GATB: variants seen among roughly 807,000 people sequenced by gnomAD.
The protein encoded by GATB is glutamyl-tRNA amidotransferase subunit B.
In GATB, 39 loss-of-function variants were observed where a neutral mutation model predicts 62.3. The ratio of observed to expected loss-of-function variants is 0.63; its 90% CI spans 0.48 to 0.82. GATB has a LOEUF of 0.82. Ranked by LOEUF, GATB falls within the 40% of genes least tolerant of loss-of-function variation. GATB has a pLI of 0.00. For synonymous variants in GATB, 276 were observed against 258.9 expected (o/e 1.07, Z -0.63); for missense variants, 670 against 684.0 (o/e 0.98, Z 0.23).
At chr4:151,695,186 C>T (rs1345184041) in intron 9 of GATB, among the ~76,000 whole-genome samples, 1 of 152,146 alleles carries the variant, frequency 6.6e-6, no homozygotes, top group Non-Finnish European at 1.5e-5. Flanking sequence ...TAGCGCGTTG[C>T]TTGGTGTCAA....
intron 2 of GATB, chr4:151,719,826 C>T (rs1560855898): frequency 3.6e-6 from 1 of 280,670 alleles, no homozygotes. Context: ...CAGGAAGAGT[C>T]GCAGAAAAGC....
intron 9 of GATB, among the ~76,000 whole-genome samples, chr4:151,698,573 GT>G (rs1738535155): frequency 6.6e-6 from 1 of 152,168 alleles, no homozygotes; most frequent in Non-Finnish European, 1.5e-5. Flanking sequence ...AATCTGTTGT[GT>G]TTCTGATGAA....
In GATB at chr4:151,725,537, C is replaced by T. The variant is rs560825938; in HGVS notation, c.328-5999G>A. Among the ~76,000 whole-genome samples the T allele has an allele frequency of 1.5e-3, 230 of 152,346 alleles. 2 individuals are homozygous for T. Among genetic ancestry groups the T allele is most frequent in the African/African-American group, 2.2e-3 (91 of 41,586 alleles). Reference sequence around the variant, plus strand: ...ATTTTGTGGACACCCTTTTCACATGCGTGGAGCCAAGAATTATGAAATCCA... The same window carrying T: ...ATTTTGTGGACACCCTTTTCACATGTGTGGAGCCAAGAATTATGAAATCCA... On this transcript the variant is annotated intron_variant, in intron 2 of 12. Transcript: ENST00000263985.
rs776839953 is a variant in GATB, at chr4:151,758,766, T to C, written c.327+6A>G. The stretch of plus-strand genomic sequence containing the variant: ...TAATGAAAATAGGATTAAATAAGAA[T>C]CTTACCGGCAAAGTTCCAGGTAGAG... On this transcript the variant is annotated splice_donor_region_variant and intron_variant, in intron 2 of 12. Coordinates refer to ENST00000263985, the MANE Select transcript of GATB (RefSeq NM_004564.3). 5.8e-6 allele frequency: 9 copies of C among 1,561,374 alleles called. No individual in the cohort carries two copies. The highest frequency in any genetic ancestry group is 6.9e-6 in the Non-Finnish European group (8 of 1,156,968).
Position 151,701,415 on chromosome 4 carries a change from C to T in GATB, c.1111G>A (p.Glu371Lys). Residue 371 changes from glutamate (E) to lysine (K), a missense_variant, in exon 9 of 13, where the codon GAG becomes AAG. By Grantham distance (56) the Glu-to-Lys change is moderately conservative (BLOSUM62 1). Coordinates refer to ENST00000263985, the MANE Select transcript of GATB (RefSeq NM_004564.3). ...QQVINIDQIR[E>K]TLPELPSVTR... ...ACACTGGGGAGCTCCGGGAGTGTCT[C>T]CCGAATCTGGTCAATATTGATCACT... is the stretch of plus-strand genomic sequence containing the variant. The T allele has an allele frequency of 1.9e-6, 3 of 1,606,204 alleles. No homozygotes were observed. Among genetic ancestry groups the T allele is most frequent in the Admixed American group, 1.7e-5 (1 of 58,946 alleles).
intron 2 of GATB, among the ~76,000 whole-genome samples, chr4:151,744,525 G>A (rs1408674665): frequency 2.0e-5 from 3 of 152,102 alleles, no homozygotes; most frequent in African/African-American, 7.2e-5. Context: ...GGAGGCAGGA[G>A]GACTCCTTGA....
At chr4:151,728,587 A>G (rs1158210495) in intron 2 of GATB, among the ~76,000 whole-genome samples, 1 of 152,208 alleles carries the variant, frequency 6.6e-6, no homozygotes, top group Non-Finnish European at 1.5e-5. Flanking sequence ...GATTTGCCCC[A>G]TACTGAAACT....
At chr4:151,743,625 CTT>C (rs1490715044) in intron 2 of GATB, among the ~76,000 whole-genome samples, 1 of 152,192 alleles carries the variant, frequency 6.6e-6, no homozygotes, top group African/African-American at 2.4e-5. Flanking sequence ...AAGTGAGAAA[CTT>C]TGGTTCTAAT....
At chr4:151,760,654 G>C (rs1421101279) in intron 1 of GATB, among the ~76,000 whole-genome samples, 153 bp downstream of exon 1, 1 of 152,166 alleles carries the variant, frequency 6.6e-6, no homozygotes, top group Non-Finnish European at 1.5e-5. Context: ...AAGTCTGTTT[G>C]TGCTTTTATT....
At chr4:151,695,608 G>T (rs115081240) in intron 9 of GATB, among the ~76,000 whole-genome samples, 1,921 of 152,220 alleles carry the variant, frequency 0.013, 40 homozygotes, top group African/African-American at 0.044. Flanking sequence ...TCTACTGACT[G>T]CATGCACAGC....
At chr4:151,701,223 G>T in intron 9 of GATB, 106 bp downstream of exon 9, 2 of 832,696 alleles carry the variant, frequency 2.4e-6, no homozygotes, top group Non-Finnish European at 3.5e-6. Flanking sequence ...CAAGAAACAC[G>T]CCCACCCCAC....
At chr4:151,700,401 T>C (rs1445599773) in intron 9 of GATB, among the ~76,000 whole-genome samples, 1 of 152,242 alleles carries the variant, frequency 6.6e-6, no homozygotes, top group Non-Finnish European at 1.5e-5. Context: ...TTATGGATGA[T>C]GAAGAGAGAA....
At chr4:151,715,175 C>G (rs1429218771) in intron 5 of GATB, among the ~76,000 whole-genome samples, 1 of 152,184 alleles carries the variant, frequency 6.6e-6, no homozygotes, top group Non-Finnish European at 1.5e-5. Flanking sequence ...CCTGCTGTGA[C>G]CATTGTACAG....
At chr4:151,756,656 C>T (rs1252559083) in intron 2 of GATB, among the ~76,000 whole-genome samples, 3 of 152,182 alleles carry the variant, frequency 2.0e-5, no homozygotes, top group East Asian at 1.9e-4. Context: ...GTAAGCCAAG[C>T]TCTCAACACT....
intron 3 of GATB, among the ~76,000 whole-genome samples, chr4:151,718,433 A>G (rs981996009): frequency 9.2e-5 from 14 of 152,320 alleles, no homozygotes; most frequent in Non-Finnish European, 1.8e-4. Context: ...GATGACCAAA[A>G]CATCTCATTT....
At chr4:151,703,958 G>A in intron 7 of GATB, 63 bp from the exon 8 acceptor site, 1 of 1,172,118 alleles carries the variant, frequency 8.5e-7, no homozygotes, top group Non-Finnish European at 1.3e-6. Context: ...CTATATGTGG[G>A]GAAGGGCTCC....
chr4:151,744,491 GC>G (rs1455827336), intron 2 of GATB, among the ~76,000 whole-genome samples: 2 of 152,164 alleles, frequency 1.3e-5, no homozygotes, highest in Non-Finnish European at 2.9e-5. Flanking sequence ...GGTGGCTCAT[GC>G]CTATAATCCC....
intron 9 of GATB, among the ~76,000 whole-genome samples, chr4:151,697,953 G>GTATATATATATATATA (rs56231389): frequency 8.4e-4 from 34 of 40,562 alleles, no homozygotes; most frequent in Non-Finnish European, 9.4e-4. Context: ...GTGTGTGTGT[G>GTATATATATATATATA]TATATATATA....
intron 9 of GATB, among the ~76,000 whole-genome samples, chr4:151,695,930 A>ATTTTTTTTTTT (rs57028979): frequency 5.7e-4 from 70 of 122,844 alleles, no homozygotes; most frequent in African/African-American, 9.6e-4. Flanking sequence ...GCTAATTTAA[A>ATTTTTTTTTTT]TTTTTTTTTT....
Sources: gnomAD v4.1 joint callset for allele counts (sites outside exome capture counted in the v4.1 genomes callset) on GRCh38, gnomAD v4.1.1 for gene constraint, MANE v1.5 for transcripts, NCBI Gene and HGNC (gene_info 2026-07-23, HGNC 2026-07-21) for gene names.